FAM228B: variants seen among roughly 807,000 people sequenced by gnomAD.
FAM228B encodes family with sequence similarity 228 member B.
FAM228B carries 38 observed loss-of-function variants against 42.6 expected under a neutral mutation model. The ratio of observed to expected loss-of-function variants is 0.89; its 90% CI spans 0.69 to 1.17. The LOEUF (loss-of-function observed/expected upper bound fraction) is 1.17, where lower values mean the gene tolerates loss of function less well. Among genes scored for constraint, FAM228B ranks in the 50% most tolerant of loss-of-function variants. The pLI, the probability that FAM228B is intolerant of heterozygous loss-of-function variation, is 0.00. For missense variants in FAM228B, 344 were observed against 367.3 expected (o/e 0.94, Z 0.52); for synonymous variants, 109 against 122.3 (o/e 0.89, Z 0.72).
rs938347742 is a variant in FAM228B, at chr2:24,169,461, G to A, written c.*120G>A. ...ATCTGCTCACAGGAATCAGGGTGAAGGCCAAGGACGGCACTCAAGAATTGT... is the reference window on the plus strand; with the variant it reads ...ATCTGCTCACAGGAATCAGGGTGAAAGCCAAGGACGGCACTCAAGAATTGT... On this transcript the variant is annotated 3_prime_UTR_variant, in exon 11 of 11. Transcript: ENST00000615575. This position sits in a 1 kb window ranked among gnomAD's most constrained non-coding sequence, Gnocchi z 4.2. 1.0e-5 allele frequency: 4 copies of A among 395,948 alleles called. No individual in the cohort carries two copies. Among genetic ancestry groups the A allele is most frequent in the Non-Finnish European group, 2.3e-5 (4 of 172,240 alleles). 24.5% of individuals were successfully genotyped at this position (395,948 alleles called of 1,614,324 possible). A position where few individuals can be genotyped will look rare whatever the true frequency, so the allele number is the denominator to read the frequency against.
intron 2 of FAM228B, among the ~76,000 whole-genome samples, chr2:24,082,110 C>T (rs1665034440): frequency 6.6e-6 from 1 of 152,222 alleles, no homozygotes; most frequent in African/African-American, 2.4e-5. Context: ...ATCCTCCCAA[C>T]TCAGCCTCCT....
At chr2:24,096,067 CAGAA>C in intron 3 of FAM228B, 1 of 152,340 alleles carries the variant, frequency 6.6e-6, no homozygotes, top group East Asian at 1.9e-4. Flanking sequence ...AACTGAAAAA[CAGAA>C]AGGAATAGCA....
chr2:24,163,730 G>T (rs889949903), intron 8 of FAM228B, among the ~76,000 whole-genome samples: 1 of 152,186 alleles, frequency 6.6e-6, no homozygotes, highest in Admixed American at 6.5e-5. Flanking sequence ...CGAGACCCAC[G>T]TGTGAAGGAG....
intron 2 of FAM228B, among the ~76,000 whole-genome samples, chr2:24,133,643 A>G (rs1290274435): frequency 6.6e-6 from 1 of 152,244 alleles, no homozygotes. Flanking sequence ...ATTGTGGAAC[A>G]TTTGTTATAA....
Position 24,077,482 on chromosome 2 carries a change from GA to G in FAM228B, c.-290+515del, listed in dbSNP as rs1664800082. 3.6e-6 allele frequency: 5 copies of G among 1,379,792 alleles called. No homozygotes were observed. In the East Asian group the frequency reaches 1.2e-4, roughly 34 times the overall value. The allele number at this position is 1,379,792 out of a possible 1,614,324, so 85.5% of individuals were successfully genotyped here. On this transcript the variant is annotated intron_variant, in intron 1 of 10. Coordinates refer to the FAM228B transcript ENST00000613899. The surrounding 1 kb of genome is among the most constrained non-coding windows in gnomAD (Gnocchi z 5.5). The stretch of plus-strand genomic sequence containing the variant: ...ATATCAGCTTTAAACGGCTCTGGAG[GA>G]AGCACCGGGTTTCTTGGCCTGTCTA...
chr2:24,128,443 T>A (rs1310386334), intron 2 of FAM228B, among the ~76,000 whole-genome samples: 1 of 152,192 alleles, frequency 6.6e-6, no homozygotes, highest in East Asian at 1.9e-4. Context: ...TCTTCTAGCT[T>A]CCCTAACTTA....
At chr2:24,151,134 C>G (rs965692623) in intron 7 of FAM228B, among the ~76,000 whole-genome samples, 1 of 151,742 alleles carries the variant, frequency 6.6e-6, no homozygotes, top group Admixed American at 6.6e-5. Context: ...TTTCTTTTGT[C>G]TCCTCTGAAT....
chr2:24,079,001 C>T (rs1664880121), intron 1 of FAM228B: 1 of 163,898 alleles, frequency 6.1e-6, no homozygotes. Context: ...TCCTCTGCCT[C>T]AGCCTTCCAA....
intron 5 of FAM228B, among the ~76,000 whole-genome samples, 192 bp from the exon 6 acceptor site, chr2:24,146,556 G>A (rs1666898946): frequency 6.6e-6 from 1 of 152,158 alleles, no homozygotes; most frequent in Admixed American, 6.5e-5. Flanking sequence ...GGGCCTTTAA[G>A]AGAGGTATTG....
At position 24,164,187 on chromosome 2, in the gene FAM228B, C is replaced by T; in HGVS notation, c.795-11C>T. On this transcript the variant is annotated splice_polypyrimidine_tract_variant and intron_variant, in intron 8 of 10. Transcript: ENST00000615575. ...TAAGAGAATCCCTTCCTTTCTGGTT[C>T]CTTCCTGCAGAAACAAAGGGTCATC... 1 of 1,542,098 alleles carries T rather than the reference C, an allele frequency of 6.5e-7. No homozygotes were observed. The highest frequency in any genetic ancestry group is 8.8e-7 in the Non-Finnish European group (1 of 1,142,218).
chr2:24,097,847 A>G (rs1479648874), intron 3 of FAM228B, among the ~76,000 whole-genome samples: 7 of 152,224 alleles, frequency 4.6e-5, no homozygotes, highest in African/African-American at 9.6e-5. Flanking sequence ...TCAGCATCAC[A>G]TCACACTTAT....
At chr2:24,153,961 T>G (rs1667075497) in intron 7 of FAM228B, among the ~76,000 whole-genome samples, 1 of 152,198 alleles carries the variant, frequency 6.6e-6, no homozygotes, top group Non-Finnish European at 1.5e-5. Flanking sequence ...CCAGCATGGC[T>G]TTATTCTCTG....
chr2:24,129,842 G>A (rs560370496), intron 2 of FAM228B, among the ~76,000 whole-genome samples: 1 of 151,980 alleles, frequency 6.6e-6, no homozygotes, highest in East Asian at 1.9e-4. Flanking sequence ...TGAGATACAA[G>A]TGCAGGACGT....
chr2:24,131,735 A>G (rs1445078548), intron 2 of FAM228B, among the ~76,000 whole-genome samples: 1 of 152,204 alleles, frequency 6.6e-6, no homozygotes, highest in African/African-American at 2.4e-5. Flanking sequence ...TTGGCCTGAG[A>G]TGATGGGGTT....
chr2:24,084,419 G>GGCAGGACA lies in FAM228B; in HGVS notation c.-210+3465_-210+3466insCAGGACAG. 1 of 1,413,766 alleles carries GGCAGGACA rather than the reference G, an allele frequency of 7.1e-7. No homozygotes were observed. The highest frequency in any genetic ancestry group is 9.3e-7 in the Non-Finnish European group (1 of 1,070,200). The allele number at this position is 1,413,766 out of a possible 1,614,324, so 87.6% of individuals were successfully genotyped here. A position where few individuals can be genotyped will look rare whatever the true frequency, so the allele number is the denominator to read the frequency against. Reference sequence around the variant, plus strand: ...GGCAGGGCAGGACAGGACAGGGCAGGGGCCGCTGTATCCTCGCGGAGCAGC... The same window carrying GGCAGGACA: ...GGCAGGGCAGGACAGGACAGGGCAGGGCAGGACAGGCCGCTGTATCCTCGCGGAGCAGC... On this transcript the variant is annotated intron_variant, in intron 2 of 10. Transcript: ENST00000613899. This position sits in a 1 kb window ranked among gnomAD's most constrained non-coding sequence, Gnocchi z 8.4.
intron 5 of FAM228B, among the ~76,000 whole-genome samples, chr2:24,143,454 A>G (rs1445742278): frequency 6.6e-6 from 1 of 152,192 alleles, no homozygotes; most frequent in Non-Finnish European, 1.5e-5. Flanking sequence ...TTGGCCTCCC[A>G]AAATGCTGGG....
intron 2 of FAM228B, chr2:24,081,008 C>G: frequency 6.2e-7 from 1 of 1,614,108 alleles, no homozygotes; most frequent in Non-Finnish European, 8.5e-7. Flanking sequence ...TGGATTAGCA[C>G]ATAGTCTCCA....
upstream of FAM228B, among the ~76,000 whole-genome samples, chr2:24,119,116 T>C (rs1666016900): frequency 6.6e-6 from 1 of 152,044 alleles, no homozygotes; most frequent in South Asian, 2.1e-4. Flanking sequence ...CTGTAAAATG[T>C]CTCTTTATAT....
chr2:24,157,594 C>T (rs913839719), intron 7 of FAM228B, among the ~76,000 whole-genome samples: 2 of 151,942 alleles, frequency 1.3e-5, no homozygotes, highest in Non-Finnish European at 2.9e-5. Context: ...AAAAAATAGC[C>T]GGGCCTGGTG....
Sources: allele counts gnomAD v4.1 joint callset (sites outside exome capture counted in the v4.1 genomes callset), GRCh38; gene constraint gnomAD v4.1.1; non-coding constraint Gnocchi (gnomAD v3.1); transcripts MANE v1.5; gene names NCBI Gene and HGNC (gene_info 2026-07-23, HGNC 2026-07-21).